The following APOBEC3B variants were observed in gnomAD, a reference collection of about 807,000 sequenced individuals.
APOBEC3B encodes the protein apolipoprotein B mRNA editing enzyme catalytic subunit 3B, also known as DNA dC->dU-editing enzyme APOBEC-3B.
In APOBEC3B, 29 loss-of-function variants were observed where a neutral mutation model predicts 53.4. The ratio of observed to expected loss-of-function variants is 0.54; its 90% CI spans 0.40 to 0.74. The LOEUF is 0.74. APOBEC3B is among the 30% of genes least tolerant of loss of function. The probability of loss-of-function intolerance (pLI) is 0.00; values close to 1 mark genes in which losing one functional copy is unlikely to be tolerated. For synonymous variants in APOBEC3B, 132 were observed against 184.8 expected (o/e 0.71, Z 2.32); for missense variants, 347 against 496.2 (o/e 0.70, Z 2.86).
chr22:38,989,755 T>TG, intron 5 of APOBEC3B, 145 bp downstream of exon 5: 2 of 909,900 alleles, frequency 2.2e-6, no homozygotes, highest in Non-Finnish European at 1.5e-6. Flanking sequence ...GCCCTGGAGT[T>TG]GGGGGGAGAC....
intron 1 of APOBEC3B, among the ~76,000 whole-genome samples, chr22:38,983,426 C>T (rs1923609581): frequency 6.7e-6 from 1 of 148,856 alleles, no homozygotes; most frequent in Non-Finnish European, 1.5e-5. Context: ...AAAGAGAGCC[C>T]AGTCCCCAAC....
At chr22:38,988,691 T>TCTCTCTCTCTCTCTCTC (rs1447601363) in intron 4 of APOBEC3B, among the ~76,000 whole-genome samples, 1 of 87,908 alleles carries the variant, frequency 1.1e-5, no homozygotes, top group Non-Finnish European at 2.2e-5. Context: ...TTCTCTTTCT[T>TCTCTCTCTCTCTCTCTC]TCTTTCTTTC....
In APOBEC3B at chr22:38,986,258, T is replaced by A. The variant is rs1220396676; in HGVS notation, c.455-40T>A. 3.1e-6 allele frequency: 5 copies of A among 1,590,968 alleles called. No homozygotes were observed. In the South Asian group the frequency reaches 5.7e-5, roughly 18 times the overall value. ...CCAGGCCTGGGAGGACAGGCCAGGGTCAGGGGAGAGCCTGACTGCTTCCCG... is the reference window on the plus strand; with the variant it reads ...CCAGGCCTGGGAGGACAGGCCAGGGACAGGGGAGAGCCTGACTGCTTCCCG... On this transcript the variant is annotated intron_variant, in intron 3 of 7. Transcript: ENST00000333467.
chr22:38,989,305 C>G (rs937562970), intron 4 of APOBEC3B, 152 bp from the exon 5 acceptor site: 3 of 637,510 alleles, frequency 4.7e-6, no homozygotes, highest in Non-Finnish European at 5.0e-6. Flanking sequence ...GAGAGAGGAT[C>G]AGTGGCCCCC....
intron 5 of APOBEC3B, among the ~76,000 whole-genome samples, chr22:38,990,391 T>C (rs4820359): frequency 0.61 from 88,295 of 145,382 alleles, 29,937 homozygotes; most frequent in South Asian, 0.76. Flanking sequence ...GTCATCCACT[T>C]CACCCTGCAT....
Position 38,989,403 on chromosome 22 carries a change from G to A in APOBEC3B, c.570-54G>A. 5 of 1,477,640 alleles carry A rather than the reference G, an allele frequency of 3.4e-6. No homozygotes were observed. In the South Asian group the frequency reaches 3.9e-5, roughly 12 times the overall value. The allele number at this position is 1,477,640 out of a possible 1,614,324, so 91.5% of individuals were successfully genotyped here. On this transcript the variant is annotated intron_variant, in intron 4 of 7. Transcript: ENST00000333467. Reference sequence around the variant, plus strand: ...TGGGGGGTGCAGGAGAGGAGCGAGAGGTAGTCCCAGGAGGAGTCTTAGGGC... The same window carrying A: ...TGGGGGGTGCAGGAGAGGAGCGAGAAGTAGTCCCAGGAGGAGTCTTAGGGC...
At position 38,984,034 on chromosome 22, in the gene APOBEC3B, A is replaced by T. The variant is rs763803605; in HGVS notation, c.18-41A>T. 1.9e-6 allele frequency: 3 copies of T among 1,566,180 alleles called. 1 individual carries two copies. Among genetic ancestry groups the T allele is most frequent in the Non-Finnish European group, 8.6e-7 (1 of 1,161,692 alleles). Reference sequence around the variant, plus strand: ...GACATGAGCCCCGAGGACTCCCGGGAGGGCTCCCTGCATGGGCCGGTTTCT... The same window carrying T: ...GACATGAGCCCCGAGGACTCCCGGGTGGGCTCCCTGCATGGGCCGGTTTCT... On this transcript the variant is annotated intron_variant, in intron 1 of 7. Transcript: ENST00000333467.
At position 38,986,063 on chromosome 22, in the gene APOBEC3B, A is replaced by G. The variant is rs138029608; in HGVS notation, c.426A>G (p.Gly142=). The change falls in exon 3 of 8, where the codon GGA becomes GGG. Residue 142 remains glycine (G), a synonymous_variant. Coordinates refer to ENST00000333467, the MANE Select transcript of APOBEC3B (RefSeq NM_004900.5). ...CGCTCTGCAGGCTGAGTCAGGCAGGAGCCCGCGTGACGATCATGGACTATG... is the reference window on the plus strand; with the variant it reads ...CGCTCTGCAGGCTGAGTCAGGCAGGGGCCCGCGTGACGATCATGGACTATG... ...RRALCRLSQA[G]ARVTIMDYEE... 3,210 of 1,590,734 alleles carry G rather than the reference A, an allele frequency of 2.0e-3. 286 individuals are homozygous for G. In the African/African-American group the frequency reaches 0.035, roughly 18 times the overall value.
At position 38,989,440 on chromosome 22, in the gene APOBEC3B, CCT is replaced by C. The variant is rs1923899317; in HGVS notation, c.570-16_570-15del. On this transcript the variant is annotated splice_polypyrimidine_tract_variant and intron_variant, in intron 4 of 7. Coordinates refer to ENST00000333467, the MANE Select transcript of APOBEC3B (RefSeq NM_004900.5). ...AGGAGTCTTAGGGCTTTTGGTTTCCCCTGTCTTTGTCCACAGATACCTGATGG... is the reference window on the plus strand; with the variant it reads ...AGGAGTCTTAGGGCTTTTGGTTTCCCGTCTTTGTCCACAGATACCTGATGG... The C allele has an allele frequency of 6.4e-7, 1 of 1,552,508 alleles. No homozygotes were observed. The highest frequency in any genetic ancestry group is 1.4e-5 in the African/African-American group (1 of 73,556).
In APOBEC3B at chr22:38,989,427, G is replaced by A. The variant is rs761736533; in HGVS notation, c.570-30G>A. The A allele has an allele frequency of 1.7e-5, 26 of 1,542,574 alleles. 2 individuals are homozygous for A. Among genetic ancestry groups the A allele is most frequent in the Non-Finnish European group, 2.3e-5 (26 of 1,137,326 alleles). On this transcript the variant is annotated intron_variant, in intron 4 of 7. Transcript: ENST00000333467. ...AGGTAGTCCCAGGAGGAGTCTTAGG[G>A]CTTTTGGTTTCCCCTGTCTTTGTCC... is the stretch of plus-strand genomic sequence containing the variant.
chr22:38,987,834 T>G (rs1035511500), intron 4 of APOBEC3B, among the ~76,000 whole-genome samples: 3 of 148,558 alleles, frequency 2.0e-5, no homozygotes, highest in African/African-American at 7.3e-5. Flanking sequence ...CGGTGGCTTA[T>G]GCCTATAATC....
rs1485817731 is a variant in APOBEC3B at position 38,991,568 on chromosome 22, G to T, written c.960G>T (p.Lys320Asn). ...TCTATGATTACGACCCCCTATATAA[G>T]GAGGCGCTGCAAATGCTGCGGGATG... is the stretch of plus-strand genomic sequence containing the variant. ...ARIYDYDPLY[K>N]EALQMLRDAG... The change falls in exon 6 of 8, where the codon AAG becomes AAT. Residue 320 changes from lysine (K) to asparagine (N), a missense_variant. By Grantham distance (94) the Lys-to-Asn change is moderately conservative (BLOSUM62 0). This residue lies in a region of APOBEC3B where 78 missense variants were observed against 103.9 expected (regional missense o/e 0.75). Coordinates refer to ENST00000333467, the MANE Select transcript of APOBEC3B (RefSeq NM_004900.5). The T allele has an allele frequency of 2.5e-6, 4 of 1,593,028 alleles. No homozygotes were observed. The highest frequency in any genetic ancestry group is 3.4e-6 in the Non-Finnish European group (4 of 1,172,484).
chr22:38,988,675 CTCTCTT>C (rs1361813911), intron 4 of APOBEC3B, among the ~76,000 whole-genome samples: 7 of 10,216 alleles, frequency 6.9e-4, no homozygotes, highest in Admixed American at 1.1e-3. Flanking sequence ...CTCTCTCTTT[CTCTCTT>C]TCTCTTTCTT....
rs572927411 is a variant in APOBEC3B at position 38,985,935 on chromosome 22, T to G, written c.298T>G (p.Cys100Gly). ...TGTATCCTGGACCCCCTGCCCGGAC[T>G]GTGTGGCGAAGCTGGCCGAATTCCT... ...WFVSWTPCPD[C>G]VAKLAEFLSE... Residue 100 changes from cysteine to glycine, a missense_variant, in exon 3 of 8, where the codon TGT (cysteine) becomes GGT (glycine). This residue lies in a region of APOBEC3B where 20 missense variants were observed against 50.9 expected (regional missense o/e 0.39). Transcript: ENST00000333467. The G allele has an allele frequency of 1.2e-6, 2 of 1,601,660 alleles. No homozygotes were observed. The highest frequency in any genetic ancestry group is 2.2e-5 in the South Asian group (2 of 89,672).
chr22:38,984,471 CTT>C (rs1415355115), intron 2 of APOBEC3B, among the ~76,000 whole-genome samples: 1 of 148,930 alleles, frequency 6.7e-6, no homozygotes, highest in African/African-American at 2.4e-5. Context: ...TAACAGATGA[CTT>C]AGCATAACTT....
At chr22:38,987,452 TC>T (rs1487316496) in intron 4 of APOBEC3B, among the ~76,000 whole-genome samples, 1 of 148,464 alleles carries the variant, frequency 6.7e-6, no homozygotes, top group African/African-American at 2.5e-5. Flanking sequence ...GGGCTGGTGC[TC>T]CCTGCCCTGG....
Position 38,990,481 on chromosome 22 carries a change from G to T in APOBEC3B, c.724-851G>T, listed in dbSNP as rs571492510. 1.4e-4 allele frequency among the ~76,000 whole-genome samples: 20 copies of T among 147,634 alleles called. No individual in the cohort carries two copies. In the South Asian group the frequency reaches 4.5e-3, roughly 33 times the overall value. On this transcript the variant is annotated intron_variant, in intron 5 of 7. Transcript: ENST00000333467. ...CTGCCCTGCTGTCCCCAACTTGACC[G>T]ATTCCTAGTCTTAGTGGAAAATCCT...
chr22:38,984,743 G>A (rs938115185), intron 2 of APOBEC3B, among the ~76,000 whole-genome samples: 1 of 148,160 alleles, frequency 6.7e-6, no homozygotes, highest in African/African-American at 2.5e-5. Context: ...AGCTGGCTAG[G>A]CAGAGGAAAA....
chr22:38,985,190 G>C (rs570632492), intron 2 of APOBEC3B, among the ~76,000 whole-genome samples: 1 of 148,054 alleles, frequency 6.8e-6, no homozygotes, highest in Non-Finnish European at 1.5e-5. Context: ...ATGAGTCACC[G>C]CACCTGGCCA....
Sources: gnomAD v4.1 joint callset for allele counts (sites outside exome capture counted in the v4.1 genomes callset) on GRCh38, gnomAD v4.1.1 for gene constraint, gnomAD v4.1.1 regional missense constraint, MANE v1.5 for transcripts, NCBI Gene and HGNC (gene_info 2026-07-23, HGNC 2026-07-21) for gene names.